GATAD2A: variants seen among roughly 807,000 people sequenced by gnomAD.
The protein encoded by GATAD2A is GATA zinc finger domain containing 2A.
GATAD2A carries 12 observed loss-of-function variants against 68.5 expected under a neutral mutation model. The observed-to-expected ratio is 0.18, with a 90% CI of 0.11 to 0.28. GATAD2A has a LOEUF of 0.28. Ranked by LOEUF, GATAD2A falls within the 10% of genes least tolerant of loss-of-function variation. The pLI is 1.00. For synonymous variants in GATAD2A, 410 were observed against 375.3 expected (o/e 1.09, Z -1.07); for missense variants, 755 against 868.5 (o/e 0.87, Z 1.64).
At chr19:19,411,444 AGG>A (rs2050912444) in intron 1 of GATAD2A, among the ~76,000 whole-genome samples, 1 of 151,960 alleles carries the variant, frequency 6.6e-6, no homozygotes, top group Admixed American at 6.6e-5. Flanking sequence ...GAGAACTGAG[AGG>A]GGTCCCTGTC....
intron 2 of GATAD2A, among the ~76,000 whole-genome samples, chr19:19,486,576 C>T (rs1016839863): frequency 6.6e-6 from 1 of 152,218 alleles, no homozygotes; most frequent in Non-Finnish European, 1.5e-5. Flanking sequence ...TCCCGGCAAA[C>T]AACTCCATTT....
intron 2 of GATAD2A, among the ~76,000 whole-genome samples, chr19:19,476,312 T>A (rs1474229908): frequency 2.0e-5 from 3 of 152,222 alleles, no homozygotes; most frequent in Admixed American, 6.5e-5. Flanking sequence ...AATGACTTGC[T>A]TTCTGTTTTG....
At chr19:19,497,077 G>A (rs1046424632) in intron 7 of GATAD2A, among the ~76,000 whole-genome samples, 26 of 152,278 alleles carry the variant, frequency 1.7e-4, no homozygotes, top group African/African-American at 5.3e-4. Context: ...GCCCAGGCTG[G>A]ATGGAGTACA....
At chr19:19,423,364 ATTG>A (rs1377158144) in intron 1 of GATAD2A, among the ~76,000 whole-genome samples, 1 of 152,222 alleles carries the variant, frequency 6.6e-6, no homozygotes, top group Non-Finnish European at 1.5e-5. Flanking sequence ...AGATTTTGCC[ATTG>A]TTATAGTTTC....
At chr19:19,486,180 A>T (rs2059415516) in intron 2 of GATAD2A, among the ~76,000 whole-genome samples, 1 of 152,076 alleles carries the variant, frequency 6.6e-6, no homozygotes, top group South Asian at 2.1e-4. Flanking sequence ...GTTTACTGAG[A>T]TTGTCTGCTC....
At chr19:19,471,999 C>T (rs960877305) in intron 2 of GATAD2A, among the ~76,000 whole-genome samples, 24 of 152,084 alleles carry the variant, frequency 1.6e-4, no homozygotes, top group Non-Finnish European at 3.2e-4. Flanking sequence ...CGGCTCAAGC[C>T]ACTCAAGTAG....
chr19:19,412,133 CTTTTTTTTTAATTTTTAAT>C (rs1225051599), intron 1 of GATAD2A, among the ~76,000 whole-genome samples: 3 of 148,768 alleles, frequency 2.0e-5, no homozygotes, highest in Non-Finnish European at 3.0e-5. Context: ...TTTTCTCTCT[CTTTTTTTTTAATTTTTAAT>C]TTTTTTTTTA....
At chr19:19,496,406 G>T (rs2060152533) in intron 7 of GATAD2A, among the ~76,000 whole-genome samples, 187 bp downstream of exon 7, 1 of 152,202 alleles carries the variant, frequency 6.6e-6, no homozygotes, top group Non-Finnish European at 1.5e-5. Flanking sequence ...CTGGGTCGTG[G>T]GCAGAAGTTT....
rs1233613449 is a variant in GATAD2A at position 19,507,910 on chromosome 19, T to A, written c.*2436T>A. The A allele has an allele frequency of 1.3e-5, 2 of 152,280 alleles. No homozygotes were observed. Among genetic ancestry groups the A allele is most frequent in the African/African-American group, 4.8e-5 (2 of 41,462 alleles). The allele number at this position is 152,280 out of a possible 1,614,324, so 9.4% of individuals were successfully genotyped here. A position where few individuals can be genotyped will look rare whatever the true frequency, so the allele number is the denominator to read the frequency against. ...GCGGGTTGTTGTATTATGACGTTTATGATGTTCCAGGTGAAGGCATTATTA... is the reference window on the plus strand; with the variant it reads ...GCGGGTTGTTGTATTATGACGTTTAAGATGTTCCAGGTGAAGGCATTATTA... On this transcript the variant is annotated 3_prime_UTR_variant, in exon 12 of 12. Transcript: ENST00000683918.
At chr19:19,429,920 G>A (rs530155943) in intron 1 of GATAD2A, among the ~76,000 whole-genome samples, 5 of 152,128 alleles carry the variant, frequency 3.3e-5, no homozygotes, top group South Asian at 4.2e-4. Context: ...GGAGAGCGGG[G>A]ACTGCTCAGG....
intron 2 of GATAD2A, among the ~76,000 whole-genome samples, chr19:19,487,163 G>T (rs2059494353): frequency 6.6e-6 from 1 of 152,218 alleles, no homozygotes. Flanking sequence ...GGACATGGGG[G>T]CTTGCCCCCT....
Position 19,505,553 on chromosome 19 carries a change from C to T in GATAD2A, c.*79C>T, listed in dbSNP as rs577427010. ...GTCTAGAAGGACCCACTGCACCACC[C>T]TCCGCTGGCTCGGGAAGACACCGTG... On this transcript the variant is annotated 3_prime_UTR_variant, in exon 12 of 12. Coordinates refer to ENST00000683918, the MANE Select transcript of GATAD2A (RefSeq NM_001384528.1). 7.0e-4 allele frequency: 912 copies of T among 1,302,400 alleles called. 1 individual carries two copies. Among genetic ancestry groups the T allele is most frequent in the Non-Finnish European group, 8.8e-4 (844 of 963,422 alleles). 80.7% of individuals were successfully genotyped at this position (1,302,400 alleles called of 1,614,324 possible). A position where few individuals can be genotyped will look rare whatever the true frequency, so the allele number is the denominator to read the frequency against.
In GATAD2A at chr19:19,503,917, AC is replaced by A. The variant is rs533447368; in HGVS notation, c.1774+1392del. ...AAATGTATTAGCCACCACTAAAAAT[AC>A]TCTTAGGGCCAGACATGCTGGCTCT... On this transcript the variant is annotated intron_variant, in intron 11 of 11. Transcript: ENST00000683918. Among the ~76,000 whole-genome samples the A allele has an allele frequency of 2.7e-3, 414 of 152,114 alleles. 4 individuals carry two copies. The highest frequency in any genetic ancestry group is 9.4e-3 in the African/African-American group (389 of 41,478).
chr19:19,494,428 C>T lies in GATAD2A; in HGVS notation c.624+45C>T, dbSNP rs1368137939. On this transcript the variant is annotated intron_variant, in intron 5 of 11. Coordinates refer to ENST00000683918, the MANE Select transcript of GATAD2A (RefSeq NM_001384528.1). ...CTCACTGGGTGCCCTGCTGGCACTG[C>T]TGCTGTCAAGCACAGGCTCCTCGGG... The T allele has an allele frequency of 3.2e-6, 4 of 1,236,000 alleles. No individual in the cohort carries two copies. In the South Asian group the frequency reaches 3.6e-5, roughly 11 times the overall value. 76.6% of individuals were successfully genotyped at this position (1,236,000 alleles called of 1,614,324 possible).
intron 1 of GATAD2A, among the ~76,000 whole-genome samples, chr19:19,456,029 C>T (rs2056891530): frequency 6.6e-6 from 1 of 151,710 alleles, no homozygotes; most frequent in Non-Finnish European, 1.5e-5. Context: ...TGGTGGGCGC[C>T]TGTAGTCCCA....
chr19:19,396,016 G>T (rs1463514811), intron 1 of GATAD2A, among the ~76,000 whole-genome samples: 1 of 152,134 alleles, frequency 6.6e-6, no homozygotes, highest in Non-Finnish European at 1.5e-5. Flanking sequence ...AGTAAAGGTA[G>T]TTGTTAAAGA....
intron 2 of GATAD2A, 27 bp downstream of exon 2, chr19:19,465,641 G>A: frequency 6.4e-7 from 1 of 1,572,420 alleles, no homozygotes; most frequent in Non-Finnish European, 8.6e-7. Flanking sequence ...AGCGGGAGGG[G>A]CTGGAACCTG....
At position 19,501,158 on chromosome 19, in the gene GATAD2A, C is replaced by T; in HGVS notation, c.1245C>T (p.Pro415=). 1.2e-6 allele frequency: 2 copies of T among 1,613,448 alleles called. No homozygotes were observed. Among genetic ancestry groups the T allele is most frequent in the Non-Finnish European group, 8.5e-7 (1 of 1,179,988 alleles). ...MSAATVLSRE[P]YMCAQCKTDF... is the part of the protein sequence containing the mutation. Reference sequence around the variant, plus strand: ...CCGCCACTGTGCTGTCCCGGGAGCCCTACATGTGTGCACAGTGCAAGACGG... The same window carrying T: ...CCGCCACTGTGCTGTCCCGGGAGCCTTACATGTGTGCACAGTGCAAGACGG... Residue 415 remains proline, a synonymous_variant, in exon 9 of 12, where the codon CCC becomes CCT. Coordinates refer to ENST00000683918, the MANE Select transcript of GATAD2A (RefSeq NM_001384528.1).
At chr19:19,455,250 G>A (rs1305068629) in intron 1 of GATAD2A, among the ~76,000 whole-genome samples, 1 of 152,178 alleles carries the variant, frequency 6.6e-6, no homozygotes, top group Non-Finnish European at 1.5e-5. Flanking sequence ...AGCACTTTGG[G>A]AAGCCGAGGC....
Sources: allele counts gnomAD v4.1 joint callset (sites outside exome capture counted in the v4.1 genomes callset), GRCh38; gene constraint gnomAD v4.1.1; transcripts MANE v1.5; gene names NCBI Gene and HGNC (gene_info 2026-07-23, HGNC 2026-07-21).